The following MDFIC variants were observed in gnomAD, a reference collection of about 807,000 sequenced individuals.
MDFIC encodes the protein myoD family inhibitor domain-containing protein.
MDFIC carries 17 observed loss-of-function variants against 23.2 expected under a neutral mutation model. The ratio of observed to expected loss-of-function variants is 0.73; its 90% confidence interval spans 0.50 to 1.10. MDFIC has a LOEUF of 1.10. MDFIC is among the 50% of genes least tolerant of loss of function. MDFIC has a pLI of 0.00. For synonymous variants in MDFIC, 120 were observed against 115.2 expected (o/e 1.04, Z -0.27); for missense variants, 356 against 316.6 (o/e 1.12, Z -0.95).
chr7:115,002,078 C>T (rs1034102887), intron 4 of MDFIC, among the ~76,000 whole-genome samples: 4 of 152,090 alleles, frequency 2.6e-5, no homozygotes, highest in East Asian at 1.9e-4. Flanking sequence ...CAGAGGTTGC[C>T]GTGTGCCGAG....
chr7:114,938,826 A>G (rs1000271087), intron 2 of MDFIC, among the ~76,000 whole-genome samples: 5 of 152,060 alleles, frequency 3.3e-5, no homozygotes, highest in African/African-American at 1.2e-4. Flanking sequence ...GCAACTACAA[A>G]CCTCCATTAT....
At chr7:114,988,861 A>G (rs1315369206) in intron 4 of MDFIC, among the ~76,000 whole-genome samples, 1 of 152,236 alleles carries the variant, frequency 6.6e-6, no homozygotes, top group Non-Finnish European at 1.5e-5. Flanking sequence ...ACACTTCACT[A>G]TAAATCTGGA....
chr7:114,958,362 A>G (rs980846747), intron 3 of MDFIC, among the ~76,000 whole-genome samples: 13 of 152,312 alleles, frequency 8.5e-5, no homozygotes, highest in Admixed American at 7.8e-4. Flanking sequence ...AGACACACAA[A>G]CAAAATACGC....
At chr7:114,950,285 A>G (rs1375900937) in intron 3 of MDFIC, among the ~76,000 whole-genome samples, 1 of 152,154 alleles carries the variant, frequency 6.6e-6, no homozygotes, top group African/African-American at 2.4e-5. Flanking sequence ...TCAGCTTTCT[A>G]TGGGATGTAG....
At chr7:115,009,657 A>C (rs1458792122) in intron 4 of MDFIC, among the ~76,000 whole-genome samples, 1 of 152,226 alleles carries the variant, frequency 6.6e-6, no homozygotes, top group African/African-American at 2.4e-5. Flanking sequence ...ATTCAGTTCC[A>C]ATTGTTACTT....
chr7:115,010,740 G>A (rs914758578), intron 4 of MDFIC, among the ~76,000 whole-genome samples: 2 of 152,118 alleles, frequency 1.3e-5, no homozygotes, highest in Non-Finnish European at 2.9e-5. Flanking sequence ...TGCATATGGA[G>A]CTCTTGATCA....
chr7:115,014,346 G>A (rs971025829), intron 4 of MDFIC: 2 of 1,266,888 alleles, frequency 1.6e-6, no homozygotes, highest in African/African-American at 1.5e-5. Context: ...GAGGGATTCT[G>A]TCAATTCACA....
intron 2 of MDFIC, among the ~76,000 whole-genome samples, chr7:114,941,276 T>A (rs1348717114): frequency 1.3e-5 from 2 of 152,146 alleles, no homozygotes; most frequent in African/African-American, 4.8e-5. Flanking sequence ...CAGTGGCTAG[T>A]TTGACTTATT....
chr7:114,978,757 T>C (rs1465752604), intron 3 of MDFIC, among the ~76,000 whole-genome samples: 1 of 152,094 alleles, frequency 6.6e-6, no homozygotes, highest in Admixed American at 6.6e-5. Flanking sequence ...TTCATTCCTG[T>C]CTAGAAGTCA....
chr7:114,971,880 ATGTT>A (rs1421417471), intron 3 of MDFIC, among the ~76,000 whole-genome samples: 1 of 152,186 alleles, frequency 6.6e-6, no homozygotes, highest in African/African-American at 2.4e-5. Context: ...GTGAAAGAAA[ATGTT>A]TGTATATTAA....
chr7:114,980,204 C>A, intron 4 of MDFIC: 1 of 221,436 alleles, frequency 4.5e-6, no homozygotes. Context: ...ATAGACAAAG[C>A]TAAAATGAGA....
intron 3 of MDFIC, among the ~76,000 whole-genome samples, chr7:114,948,669 C>T (rs561775693): frequency 9.9e-5 from 15 of 152,066 alleles, no homozygotes; most frequent in Non-Finnish European, 2.9e-5. Context: ...GCCTTTCTAA[C>T]AGATGTGTGT....
chr7:114,949,132 C>A (rs1490478067), intron 3 of MDFIC, among the ~76,000 whole-genome samples: 1 of 152,032 alleles, frequency 6.6e-6, no homozygotes, highest in African/African-American at 2.4e-5. Flanking sequence ...TATTACTTTA[C>A]CTTTCACTTT....
At chr7:114,968,973 G>C (rs1397729129) in intron 3 of MDFIC, among the ~76,000 whole-genome samples, 2 of 152,090 alleles carry the variant, frequency 1.3e-5, no homozygotes, top group African/African-American at 2.4e-5. Flanking sequence ...TAATCTCAAG[G>C]AGATACCAGT....
At chr7:114,970,248 G>A (rs1308709141) in intron 3 of MDFIC, among the ~76,000 whole-genome samples, 1 of 152,130 alleles carries the variant, frequency 6.6e-6, no homozygotes, top group Non-Finnish European at 1.5e-5. Flanking sequence ...CCCTTGCAGG[G>A]GCCTTAGCAG....
intron 3 of MDFIC, among the ~76,000 whole-genome samples, chr7:114,951,813 T>A (rs373697314): frequency 6.6e-5 from 10 of 152,252 alleles, no homozygotes; most frequent in African/African-American, 2.2e-4. Flanking sequence ...ATACTTCAGG[T>A]TATAGGTGGA....
intron 3 of MDFIC, among the ~76,000 whole-genome samples, chr7:114,948,450 T>C (rs1242832381): frequency 6.6e-6 from 1 of 152,134 alleles, no homozygotes. Context: ...ATGGCCTTTT[T>C]TGCATCCGAT....
intron 2 of MDFIC, among the ~76,000 whole-genome samples, chr7:114,927,713 CAT>C (rs1342593231): frequency 6.6e-6 from 1 of 152,142 alleles, no homozygotes; most frequent in Non-Finnish European, 1.5e-5. Flanking sequence ...CCAGTTTTCA[CAT>C]GAGTTGTGTT....
intron 3 of MDFIC, among the ~76,000 whole-genome samples, chr7:114,965,837 T>C (rs1273296254): frequency 1.3e-5 from 2 of 152,278 alleles, no homozygotes; most frequent in East Asian, 1.9e-4. Flanking sequence ...TATTTCATTT[T>C]TTCTTACATT....
Sources: gnomAD v4.1 joint callset for allele counts (sites outside exome capture counted in the v4.1 genomes callset) on GRCh38, gnomAD v4.1.1 for gene constraint, MANE v1.5 for transcripts, NCBI Gene and HGNC (gene_info 2026-07-23, HGNC 2026-07-21) for gene names.